ZNF721: variants seen among roughly 807,000 people sequenced by gnomAD.
ZNF721 encodes zinc finger protein 721.
A neutral mutation model predicts 2.4 loss-of-function variants in ZNF721; 2 were observed. That is an observed-to-expected ratio of 0.82 (90% CI 0.34 to 2.58). The LOEUF (loss-of-function observed/expected upper bound fraction) is 2.58, where lower values mean the gene tolerates loss of function less well. Among genes scored for constraint, ZNF721 ranks in the 30% most tolerant of loss-of-function variants. The probability of loss-of-function intolerance (pLI) is 0.11; values close to 1 mark genes in which losing one functional copy is unlikely to be tolerated. For missense variants in ZNF721, 1,187 were observed against 1,085.5 expected (o/e 1.09, Z -1.31); for synonymous variants, 398 against 381.8 (o/e 1.04, Z -0.50).
At chr4:494,077 CT>C (rs1271870638) in intron 1 of ZNF721, among the ~76,000 whole-genome samples, 1 of 151,838 alleles carries the variant, frequency 6.6e-6, no homozygotes, top group East Asian at 1.9e-4. Flanking sequence ...TTTTATTTTT[CT>C]TTAAGCCAAT....
At position 470,663 on chromosome 4, in the gene ZNF721, G is replaced by A. The variant is rs547581592; in HGVS notation, c.34+1912C>T. Among the ~76,000 whole-genome samples the A allele has an allele frequency of 1.4e-3, 213 of 152,144 alleles. 2 individuals carry two copies. The Middle Eastern group carries it at 0.017, about 12-fold the overall frequency. On this transcript the variant is annotated intron_variant, in intron 2 of 2. Coordinates refer to ENST00000511833, the MANE Select transcript of ZNF721 (RefSeq NM_133474.4). ...CAGGAGGCAGAGATTGCAGTGAGCCGAGATCATGCTACTGTACTCCAGCCC... is the reference window on the plus strand; with the variant it reads ...CAGGAGGCAGAGATTGCAGTGAGCCAAGATCATGCTACTGTACTCCAGCCC...
rs1715926773 is a variant in ZNF721, at chr4:487,543, T to C, written c.-94+11513A>G. 2.6e-5 allele frequency among the ~76,000 whole-genome samples: 4 copies of C among 152,332 alleles called. No individual in the cohort carries two copies. The South Asian group carries it at 6.2e-4, about 24-fold the overall frequency. Reference sequence around the variant, plus strand: ...AGCTAGTATGTTTTGGGATTGTTTGTTATGCAGTTATAGCTTAGTAATATA... The same window carrying C: ...AGCTAGTATGTTTTGGGATTGTTTGCTATGCAGTTATAGCTTAGTAATATA... On this transcript the variant is annotated intron_variant, in intron 1 of 2. Transcript: ENST00000511833.
At position 442,291 on chromosome 4, in the gene ZNF721, T is replaced by C; in HGVS notation, c.2176A>G (p.Lys726Glu). 1 of 1,613,382 alleles carries C rather than the reference T, an allele frequency of 6.2e-7. No homozygotes were observed. Among genetic ancestry groups the C allele is most frequent in the Non-Finnish European group, 8.5e-7 (1 of 1,179,458 alleles). Reference protein sequence around the residue: ...RRVHTREKPYKCEDRGRSFGW... With the variant: ...RRVHTREKPYECEDRGRSFGW... ...AAGGATCTGCCACGATCTTCACATT[T>C]GTAGGGTTTCTCCCTAGTGTGAACT... is the stretch of plus-strand genomic sequence containing the variant. The change falls in exon 3 of 3, where the codon AAA becomes GAA. Residue 726 changes from lysine to glutamate, a missense_variant. Lys to Glu is a moderately conservative substitution (Grantham distance 56). Coordinates refer to ENST00000511833, the MANE Select transcript of ZNF721 (RefSeq NM_133474.4).
chr4:492,594 A>T (rs1716050444), intron 1 of ZNF721, among the ~76,000 whole-genome samples: 1 of 150,532 alleles, frequency 6.6e-6, no homozygotes, highest in Admixed American at 6.6e-5. Flanking sequence ...AGACAACTTG[A>T]TCATATAAAA....
chr4:493,110 A>T (rs1389205124), intron 1 of ZNF721, among the ~76,000 whole-genome samples: 2 of 151,948 alleles, frequency 1.3e-5, no homozygotes, highest in African/African-American at 4.8e-5. Context: ...TATTTATGAT[A>T]ACTGTGGTAG....
intron 1 of ZNF721, among the ~76,000 whole-genome samples, chr4:482,572 C>T (rs562424409): frequency 1.7e-4 from 26 of 152,268 alleles, no homozygotes; most frequent in African/African-American, 5.8e-4. Flanking sequence ...TCTCGGCTCA[C>T]TGCAACCTCT....
At chr4:495,362 G>T (rs1716123721) in intron 1 of ZNF721, among the ~76,000 whole-genome samples, 1 of 146,254 alleles carries the variant, frequency 6.8e-6, no homozygotes, top group Non-Finnish European at 1.5e-5. Flanking sequence ...AAGGTCCTAG[G>T]AGAGAAAAAC....
chr4:484,582 G>A lies in ZNF721; in HGVS notation c.-93-11881C>T, dbSNP rs548142307. ...TATAGGCTTATAAACAGCGCCCCCA[G>A]GCATGGCCATCTCTTATGGTCGAGG... On this transcript the variant is annotated intron_variant, in intron 1 of 2. Coordinates refer to ENST00000511833, the MANE Select transcript of ZNF721 (RefSeq NM_133474.4). Among the ~76,000 whole-genome samples the A allele has an allele frequency of 3.3e-5, 5 of 152,320 alleles. No homozygotes were observed. In the East Asian group the frequency reaches 9.6e-4, roughly 29 times the overall value.
intron 1 of ZNF721, among the ~76,000 whole-genome samples, chr4:483,302 G>C (rs1257899925): frequency 6.6e-6 from 1 of 152,170 alleles, no homozygotes; most frequent in Admixed American, 6.5e-5. Flanking sequence ...TGTAATCCCA[G>C]CACTTTGGGA....
intron 2 of ZNF721, among the ~76,000 whole-genome samples, chr4:463,008 T>C (rs538525751): frequency 1.3e-5 from 2 of 152,328 alleles, no homozygotes; most frequent in South Asian, 4.1e-4. Context: ...TCTACCCATC[T>C]GACAAAGGAA....
Position 443,354 on chromosome 4 carries a change from T to C in ZNF721, c.1113A>G (p.Gly371=), listed in dbSNP as rs782609089. ...YKCEDCGKAF[G]RYTALNQHKK... ...TGTGTTGATTCAGGGCTGTGTACCG[T>C]CCAAAGGCTTTGCCACAGTCTTCGC... Residue 371 remains glycine, a synonymous_variant, in exon 3 of 3, where the codon GGA becomes GGG. Coordinates refer to ENST00000511833, the MANE Select transcript of ZNF721 (RefSeq NM_133474.4). 4.3e-6 allele frequency: 7 copies of C among 1,613,878 alleles called. No homozygotes were observed. The African/African-American group carries it at 9.3e-5, about 22-fold the overall frequency.
chr4:463,062 A>G (rs1360092331), intron 2 of ZNF721, among the ~76,000 whole-genome samples: 11 of 152,238 alleles, frequency 7.2e-5, no homozygotes, highest in African/African-American at 2.7e-4. Flanking sequence ...TTTACAAGAG[A>G]AAACCAAACC....
chr4:467,073 T>C (rs975451947), intron 2 of ZNF721, among the ~76,000 whole-genome samples: 1 of 151,708 alleles, frequency 6.6e-6, no homozygotes, highest in South Asian at 2.1e-4. Context: ...AAAAAAAAAA[T>C]TAGCCGGGCG....
chr4:475,622 A>AACT (rs78927746), intron 1 of ZNF721, among the ~76,000 whole-genome samples: 49,076 of 151,592 alleles, frequency 0.32, 7,946 homozygotes, highest in South Asian at 0.35. Context: ...GCAGCTCCAC[A>AACT]ACTACTAAAG....
chr4:464,227 T>G (rs376483692), intron 2 of ZNF721, among the ~76,000 whole-genome samples: 1 of 152,138 alleles, frequency 6.6e-6, no homozygotes, highest in Non-Finnish European at 1.5e-5. Context: ...TCCCAGCACT[T>G]TGGGAGGCCA....
intron 1 of ZNF721, among the ~76,000 whole-genome samples, chr4:497,819 A>G (rs1319382026): frequency 2.0e-5 from 3 of 151,712 alleles, no homozygotes; most frequent in African/African-American, 7.3e-5. Flanking sequence ...AATGGCGTGA[A>G]CCCGGGAGGC....
Position 442,844 on chromosome 4 carries a change from G to A in ZNF721, c.1623C>T (p.Ser541=), listed in dbSNP as rs566118736. ...TTCTCCTATGTACATAAAGGATTGC[G>A]GACTGTCTAAAGGCTTTGCCACATA... ...CEVCGKAFRQ[S]AILYVHRRIH... Residue 541 remains serine (S), a synonymous_variant, in exon 3 of 3, where the codon TCC becomes TCT. Transcript: ENST00000511833. The A allele has an allele frequency of 1.4e-4, 221 of 1,613,546 alleles. 1 individual carries two copies. Among genetic ancestry groups the A allele is most frequent in the Admixed American group, 4.3e-4 (26 of 59,958 alleles).
At chr4:487,026 C>A (rs573958767) in intron 1 of ZNF721, among the ~76,000 whole-genome samples, 19 of 152,322 alleles carry the variant, frequency 1.2e-4, no homozygotes, top group African/African-American at 4.6e-4. Context: ...GTCAGGCCAA[C>A]GTTGATCCTG....
At chr4:498,558 G>T (rs1459713538) in intron 1 of ZNF721, among the ~76,000 whole-genome samples, 5 of 152,202 alleles carry the variant, frequency 3.3e-5, no homozygotes, top group Admixed American at 2.6e-4. Context: ...TCTAATAAAA[G>T]AATGAAACCC....
Sources: allele counts gnomAD v4.1 joint callset (sites outside exome capture counted in the v4.1 genomes callset), GRCh38; gene constraint gnomAD v4.1.1; transcripts MANE v1.5; gene names NCBI Gene and HGNC (gene_info 2026-07-23, HGNC 2026-07-21).